Variants in DLC1 observed in about 807,000 individuals in gnomAD.
The protein encoded by DLC1 is DLC1 Rho GTPase activating protein.
Under a neutral mutation model 140.3 loss-of-function variants are expected in DLC1, and 54 were observed. The observed-to-expected ratio is 0.38, with a 90% CI of 0.31 to 0.48. The LOEUF is 0.48. Among genes scored for constraint, DLC1 ranks in the 20% least tolerant of loss-of-function variants. DLC1 has a pLI of 0.96. For synonymous variants in DLC1, 986 were observed against 728.1 expected (o/e 1.35, Z -5.70); for missense variants, 2,536 against 1,907.0 (o/e 1.33, Z -6.14).
At chr8:13,135,946 T>G (rs1298581026) in intron 5 of DLC1, among the ~76,000 whole-genome samples, 1 of 152,212 alleles carries the variant, frequency 6.6e-6, no homozygotes, top group African/African-American at 2.4e-5. Context: ...AAATCCTTTC[T>G]TTTGGTGATG....
intron 1 of DLC1, among the ~76,000 whole-genome samples, chr8:13,523,797 G>A (rs773399854): frequency 3.9e-5 from 6 of 152,078 alleles, no homozygotes; most frequent in Non-Finnish European, 7.4e-5. Flanking sequence ...ATCTGGGACC[G>A]TGAGATGCTT....
intron 2 of DLC1, among the ~76,000 whole-genome samples, chr8:13,433,581 G>A (rs1838982095): frequency 6.6e-6 from 1 of 152,128 alleles, no homozygotes; most frequent in Non-Finnish European, 1.5e-5. Context: ...CCTCAAAGTG[G>A]CAAGAAACTG....
At chr8:13,579,361 ATTTTTAT>A (rs1804981343) in intron 1 of DLC1, among the ~76,000 whole-genome samples, 1 of 25,490 alleles carries the variant, frequency 3.9e-5, no homozygotes, top group Non-Finnish European at 6.3e-5. Context: ...ATATATATAT[ATTTTTAT>A]ATAATACATA....
intron 2 of DLC1, among the ~76,000 whole-genome samples, chr8:13,426,141 G>A (rs958541268): frequency 6.6e-6 from 1 of 152,036 alleles, no homozygotes; most frequent in Admixed American, 6.6e-5. Context: ...ATTTTGGCAA[G>A]GAAGAATCTG....
chr8:13,147,710 CT>C (rs1304419891), intron 5 of DLC1, among the ~76,000 whole-genome samples: 1 of 151,972 alleles, frequency 6.6e-6, no homozygotes, highest in Non-Finnish European at 1.5e-5. Context: ...CATTTATTGG[CT>C]GGGCATGGTG....
chr8:13,575,601 T>A (rs536563267), intron 1 of DLC1, among the ~76,000 whole-genome samples: 28 of 151,964 alleles, frequency 1.8e-4, no homozygotes, highest in African/African-American at 6.8e-4. Flanking sequence ...AAAAAAAAAA[T>A]GCAGTCCTAA....
rs531846215 is a variant in DLC1, at chr8:13,438,419, A to G, written c.1024-36800T>C. On this transcript the variant is annotated intron_variant, in intron 2 of 17. Coordinates refer to ENST00000276297, the MANE Select transcript of DLC1 (RefSeq NM_182643.3). Reference sequence around the variant, plus strand: ...CTTGCATTCTTTTTTGTTTCTCTGCAATCAGTTTTGAAAAAAATAGCCAGA... The same window carrying G: ...CTTGCATTCTTTTTTGTTTCTCTGCGATCAGTTTTGAAAAAAATAGCCAGA... Among the ~76,000 whole-genome samples the G allele has an allele frequency of 3.3e-5, 5 of 152,168 alleles. No homozygotes were observed. In the South Asian group the frequency reaches 1.0e-3, roughly 32 times the overall value.
At chr8:13,576,647 C>G (rs1229622951) in intron 1 of DLC1, among the ~76,000 whole-genome samples, 1 of 151,992 alleles carries the variant, frequency 6.6e-6, no homozygotes, top group Non-Finnish European at 1.5e-5. Context: ...AGGGCCTTGT[C>G]CTATGTGCAG....
At chr8:13,111,034 G>C (rs997217590) in intron 6 of DLC1, among the ~76,000 whole-genome samples, 5 of 152,232 alleles carry the variant, frequency 3.3e-5, no homozygotes, top group South Asian at 2.1e-4. Flanking sequence ...TTTAATGTGG[G>C]GGAAACTCAA....
rs371549301 is a variant in DLC1, at chr8:13,277,308, G to A, written c.1348+27961C>T. ...AGCCTGGGGGACAGAGCAAGACCCT[G>A]TCTCTAAAATAAATAAAATAAGGAA... On this transcript the variant is annotated intron_variant, in intron 5 of 17. Transcript: ENST00000276297. Among the ~76,000 whole-genome samples the A allele has an allele frequency of 3.0e-3, 450 of 152,232 alleles. 1 individual carries two copies. Among genetic ancestry groups the A allele is most frequent in the African/African-American group, 0.01 (422 of 41,548 alleles).
chr8:13,558,622 A>G (rs1308124670), intron 1 of DLC1: 1 of 152,194 alleles, frequency 6.6e-6, no homozygotes, highest in African/African-American at 2.4e-5. Flanking sequence ...AAATCTAACC[A>G]CAGTCCAGGA....
chr8:13,474,981 C>T (rs1388161070), intron 2 of DLC1, among the ~76,000 whole-genome samples: 1 of 152,110 alleles, frequency 6.6e-6, no homozygotes, highest in African/African-American at 2.4e-5. Flanking sequence ...CTAATTTTTG[C>T]ATTTTTGTGG....
At chr8:13,237,288 T>A (rs970734179) in intron 5 of DLC1, among the ~76,000 whole-genome samples, 9 of 146,358 alleles carry the variant, frequency 6.1e-5, no homozygotes, top group East Asian at 2.0e-4. Flanking sequence ...TATATATATA[T>A]AAATATATAA....
In DLC1 at chr8:13,446,084, A is replaced by G. The variant is rs138083915; in HGVS notation, c.1024-44465T>C. 7.4e-3 allele frequency among the ~76,000 whole-genome samples: 1,133 copies of G among 152,266 alleles called. 16 individuals carry two copies. Among genetic ancestry groups the G allele is most frequent in the African/African-American group, 0.026 (1,067 of 41,550 alleles). On this transcript the variant is annotated intron_variant, in intron 2 of 17. Transcript: ENST00000276297. The stretch of plus-strand genomic sequence containing the variant: ...ACAGTGTGGTCAGAGATTTAGTAAC[A>G]TATCAATTACGTTTCAGAAAAATCA...
At chr8:13,568,878 T>C (rs897040049) in intron 1 of DLC1, among the ~76,000 whole-genome samples, 8 of 152,130 alleles carry the variant, frequency 5.3e-5, no homozygotes, top group African/African-American at 1.9e-4. Flanking sequence ...ACAAAATAGA[T>C]TGAGGAAAAA....
intron 1 of DLC1, among the ~76,000 whole-genome samples, chr8:13,542,944 T>G (rs2117335480): frequency 6.6e-6 from 1 of 152,248 alleles, no homozygotes; most frequent in East Asian, 1.9e-4. Context: ...TTTTGGCAAA[T>G]GTTTTTCTGC....
chr8:13,395,028 A>ATCTATCTATCTATCTATCTG (rs1374634884), intron 3 of DLC1, among the ~76,000 whole-genome samples: 1 of 87,546 alleles, frequency 1.1e-5, no homozygotes, highest in Non-Finnish European at 2.1e-5. Context: ...CTATCTATCT[A>ATCTATCTATCTATCTATCTG]TCTATCATCT....
chr8:13,453,491 C>CATATATATATGTATATATATATACAT (rs1563360533), intron 2 of DLC1, among the ~76,000 whole-genome samples: 6 of 17,958 alleles, frequency 3.3e-4, no homozygotes, highest in African/African-American at 1.9e-3. Flanking sequence ...TATATATATA[C>CATATATATATGTATATATATATACAT]ATATATATAT....
intron 4 of DLC1, among the ~76,000 whole-genome samples, chr8:13,354,429 G>A (rs764314125): frequency 6.6e-6 from 1 of 152,046 alleles, no homozygotes; most frequent in Non-Finnish European, 1.5e-5. Context: ...GTGTGGCAAC[G>A]ACTAGGTGCT....
Sources: allele counts gnomAD v4.1 joint callset (sites outside exome capture counted in the v4.1 genomes callset), GRCh38; gene constraint gnomAD v4.1.1; transcripts MANE v1.5; gene names NCBI Gene and HGNC (gene_info 2026-07-23, HGNC 2026-07-21).